CMTM8: variants seen among roughly 807,000 people sequenced by gnomAD.
CMTM8 encodes CKLF-like MARVEL transmembrane domain-containing protein 8.
CMTM8 carries 12 observed loss-of-function variants against 18.6 expected under a neutral mutation model. The ratio of observed to expected loss-of-function variants is 0.65; its 90% CI spans 0.41 to 1.05. The LOEUF is 1.05. CMTM8 is among the 50% of genes least tolerant of loss of function. The pLI, the probability that CMTM8 is intolerant of heterozygous loss-of-function variation, is 0.00. For missense variants in CMTM8, 217 were observed against 227.2 expected (o/e 0.95, Z 0.29); for synonymous variants, 87 against 90.6 (o/e 0.96, Z 0.23).
At chr3:32,317,299 ATAGAT>A (rs1457570996) in intron 1 of CMTM8, among the ~76,000 whole-genome samples, 1 of 152,254 alleles carries the variant, frequency 6.6e-6, no homozygotes, top group Non-Finnish European at 1.5e-5. Context: ...TACTTAAAAC[ATAGAT>A]TAAACAGTAA....
intron 1 of CMTM8, chr3:32,259,555 CAAGAAGGAACTGCTCTTCATG>C: frequency 1.2e-6 from 1 of 830,092 alleles, no homozygotes. Flanking sequence ...TCGAGGCTCT[CAAGAAGGAACTGCTCTTCATG>C]AAGAAGAACC....
chr3:32,281,204 T>C (rs1006394393), intron 1 of CMTM8, among the ~76,000 whole-genome samples: 3 of 152,220 alleles, frequency 2.0e-5, no homozygotes, highest in African/African-American at 7.2e-5. Flanking sequence ...AGCTCTGTTT[T>C]CCCTGGCACC....
At chr3:32,321,110 G>A (rs1483944529) in intron 1 of CMTM8, among the ~76,000 whole-genome samples, 6 of 151,884 alleles carry the variant, frequency 4.0e-5, no homozygotes, top group Admixed American at 2.6e-4. Flanking sequence ...TTATTTATAC[G>A]ACCCATCAAG....
At chr3:32,289,928 C>G (rs565943372) in intron 1 of CMTM8, among the ~76,000 whole-genome samples, 2 of 152,176 alleles carry the variant, frequency 1.3e-5, no homozygotes, top group South Asian at 4.2e-4. Context: ...CTTAGAAGTT[C>G]AAGGTCAGCC....
chr3:32,336,679 G>A (rs1696392782), intron 1 of CMTM8, among the ~76,000 whole-genome samples: 1 of 152,190 alleles, frequency 6.6e-6, no homozygotes, highest in Admixed American at 6.5e-5. Context: ...ACACAGAAAT[G>A]GAAGGAGCTG....
At chr3:32,320,186 TGCA>T (rs1459082914) in intron 1 of CMTM8, among the ~76,000 whole-genome samples, 1 of 152,236 alleles carries the variant, frequency 6.6e-6, no homozygotes, top group East Asian at 1.9e-4. Context: ...AAGTGTCTTT[TGCA>T]GCATTATTTA....
chr3:32,343,248 A>G (rs116195962), intron 1 of CMTM8, among the ~76,000 whole-genome samples: 19 of 152,310 alleles, frequency 1.2e-4, no homozygotes, highest in African/African-American at 4.6e-4. Context: ...GCATCTCTTC[A>G]TCTGTGAAAT....
At chr3:32,271,515 T>C (rs1702438541) in intron 1 of CMTM8, among the ~76,000 whole-genome samples, 1 of 152,356 alleles carries the variant, frequency 6.6e-6, no homozygotes, top group Non-Finnish European at 1.5e-5. Flanking sequence ...GGGATTTCCT[T>C]CTCTGACTTG....
chr3:32,287,349 T>G (rs970084504), intron 1 of CMTM8, among the ~76,000 whole-genome samples: 1 of 152,216 alleles, frequency 6.6e-6, no homozygotes, highest in Non-Finnish European at 1.5e-5. Flanking sequence ...AGTCATAAAT[T>G]TTGTTTTCCA....
chr3:32,329,985 A>G (rs944994212), intron 1 of CMTM8, among the ~76,000 whole-genome samples: 5 of 152,190 alleles, frequency 3.3e-5, no homozygotes, highest in Non-Finnish European at 7.3e-5. Context: ...AGTTAAGAAA[A>G]TTCTATTTAC....
chr3:32,283,481 G>T (rs1189986303), intron 1 of CMTM8, among the ~76,000 whole-genome samples: 1 of 152,166 alleles, frequency 6.6e-6, no homozygotes, highest in African/African-American at 2.4e-5. Context: ...ACGTCCCCCG[G>T]GAGTTAGCTT....
chr3:32,324,602 G>A (rs953824895), intron 1 of CMTM8, among the ~76,000 whole-genome samples: 10 of 152,146 alleles, frequency 6.6e-5, no homozygotes, highest in Non-Finnish European at 1.2e-4. Context: ...TCCTCATTTA[G>A]GGAATTATTA....
chr3:32,288,925 G>T (rs994126233), intron 1 of CMTM8, among the ~76,000 whole-genome samples: 1 of 152,168 alleles, frequency 6.6e-6, no homozygotes, highest in African/African-American at 2.4e-5. Context: ...CCATGAAAAG[G>T]CTCAAAAAGT....
intron 1 of CMTM8, among the ~76,000 whole-genome samples, chr3:32,324,874 G>A (rs1338153021): frequency 1.3e-5 from 2 of 152,240 alleles, no homozygotes; most frequent in Non-Finnish European, 2.9e-5. Flanking sequence ...GACAAAAAGA[G>A]GCAATCGTGG....
chr3:32,327,420 T>C (rs1696184188), intron 1 of CMTM8, among the ~76,000 whole-genome samples: 1 of 152,226 alleles, frequency 6.6e-6, no homozygotes, highest in Non-Finnish European at 1.5e-5. Context: ...AATTTAAAAA[T>C]AAAACATATT....
intron 1 of CMTM8, among the ~76,000 whole-genome samples, chr3:32,270,497 T>G (rs1016029579): frequency 4.6e-5 from 7 of 152,106 alleles, no homozygotes; most frequent in African/African-American, 1.7e-4. Flanking sequence ...TAGACTGGAT[T>G]AAGAAAATGT....
chr3:32,258,088 T>A (rs1211293876), intron 1 of CMTM8, among the ~76,000 whole-genome samples: 4 of 152,190 alleles, frequency 2.6e-5, no homozygotes, highest in Admixed American at 6.5e-5. Context: ...AGATTACCCT[T>A]AACTCATTCC....
chr3:32,241,118 C>T (rs1422097544), intron 1 of CMTM8, among the ~76,000 whole-genome samples: 1 of 152,188 alleles, frequency 6.6e-6, no homozygotes, highest in African/African-American at 2.4e-5. Flanking sequence ...TTCGGTCCTA[C>T]AGGCAGAAAT....
chr3:32,343,332 G>T (rs953607852), intron 1 of CMTM8, among the ~76,000 whole-genome samples: 3 of 152,170 alleles, frequency 2.0e-5, no homozygotes, highest in Non-Finnish European at 4.4e-5. Flanking sequence ...TTAAGAAAAG[G>T]TGCCATCCTT....
Sources: allele counts gnomAD v4.1 joint callset (sites outside exome capture counted in the v4.1 genomes callset), GRCh38; gene constraint gnomAD v4.1.1; transcripts MANE v1.5; gene names NCBI Gene and HGNC (gene_info 2026-07-23, HGNC 2026-07-21).